KCNMB2: variants seen among roughly 807,000 people sequenced by gnomAD.
KCNMB2 encodes potassium calcium-activated channel subfamily M regulatory beta subunit 2.
A neutral mutation model predicts 24.5 loss-of-function variants in KCNMB2; 9 were observed. The ratio of observed to expected loss-of-function variants is 0.37; its 90% CI spans 0.22 to 0.64. The LOEUF (loss-of-function observed/expected upper bound fraction) is 0.64, where lower values mean the gene tolerates loss of function less well. Among genes scored for constraint, KCNMB2 ranks in the 30% least tolerant of loss-of-function variants. KCNMB2 has a pLI of 0.63. For missense variants in KCNMB2, 226 were observed against 284.3 expected, an observed-to-expected ratio of 0.79 and a Z score of 1.47; for synonymous variants, 109 against 104.4, an observed-to-expected ratio of 1.04 and a Z score of -0.27.
At chr3:178,617,625 C>T (rs1413723613) in intron 1 of KCNMB2, among the ~76,000 whole-genome samples, 1 of 151,822 alleles carries the variant, frequency 6.6e-6, no homozygotes, top group African/African-American at 2.4e-5. Context: ...CGCGGTGGCT[C>T]ATGCCTGTAA....
intron 1 of KCNMB2, among the ~76,000 whole-genome samples, chr3:178,702,467 T>C (rs980606590): frequency 1.8e-4 from 27 of 150,952 alleles, no homozygotes; most frequent in Admixed American, 1.8e-3. Flanking sequence ...AAGAAATACA[T>C]AAAAATAAAT....
chr3:178,576,744 G>A (rs1717006856), intron 1 of KCNMB2, among the ~76,000 whole-genome samples: 1 of 152,194 alleles, frequency 6.6e-6, no homozygotes, highest in Non-Finnish European at 1.5e-5. Flanking sequence ...AAACAGGGCA[G>A]AGCCCACCAC....
chr3:178,603,931 T>G (rs934723491), intron 1 of KCNMB2, among the ~76,000 whole-genome samples: 1 of 152,014 alleles, frequency 6.6e-6, no homozygotes, highest in Non-Finnish European at 1.5e-5. Flanking sequence ...GTGACACAGT[T>G]CAAAGCCCTG....
intron 1 of KCNMB2, among the ~76,000 whole-genome samples, chr3:178,562,257 C>A (rs140843938): frequency 6.6e-6 from 1 of 152,230 alleles, no homozygotes; most frequent in Non-Finnish European, 1.5e-5. Context: ...CAATCACTCA[C>A]TGACTTCTAT....
At chr3:178,723,069 T>C (rs1722861147) in intron 1 of KCNMB2, among the ~76,000 whole-genome samples, 1 of 152,228 alleles carries the variant, frequency 6.6e-6, no homozygotes, top group East Asian at 1.9e-4. Flanking sequence ...CCATTCAATT[T>C]CATTCATCTA....
At chr3:178,576,289 G>T (rs1158344347) in intron 1 of KCNMB2, among the ~76,000 whole-genome samples, 1 of 152,036 alleles carries the variant, frequency 6.6e-6, no homozygotes, top group Non-Finnish European at 1.5e-5. Context: ...GAGGGACTGT[G>T]CCAAGAACTA....
intron 1 of KCNMB2, among the ~76,000 whole-genome samples, chr3:178,575,811 A>C (rs1055134399): frequency 2.0e-5 from 3 of 152,046 alleles, no homozygotes; most frequent in African/African-American, 7.3e-5. Flanking sequence ...TAGGGAAAAA[A>C]TTTTTATGTC....
intron 1 of KCNMB2, among the ~76,000 whole-genome samples, chr3:178,674,529 A>G (rs1761768985): frequency 6.6e-6 from 1 of 152,200 alleles, no homozygotes; most frequent in Non-Finnish European, 1.5e-5. Context: ...TACCTTCAAA[A>G]TAGATCCAGA....
intron 1 of KCNMB2, chr3:178,749,296 C>T (rs145454245): frequency 5.3e-5 from 8 of 152,276 alleles, no homozygotes; most frequent in South Asian, 2.1e-4. Flanking sequence ...TCATGAGAGA[C>T]GTTTTGTAAA....
chr3:178,572,745 A>C (rs1436537568), intron 1 of KCNMB2, among the ~76,000 whole-genome samples: 1 of 152,224 alleles, frequency 6.6e-6, no homozygotes, highest in Non-Finnish European at 1.5e-5. Flanking sequence ...CTCAGTCCTC[A>C]GAACACCACT....
intron 1 of KCNMB2, among the ~76,000 whole-genome samples, chr3:178,615,740 C>G (rs1003554458): frequency 2.6e-5 from 4 of 152,170 alleles, no homozygotes; most frequent in Admixed American, 2.0e-4. Context: ...AACTGGGGAA[C>G]CCAAAAGCCC....
At chr3:178,759,344 GATAT>G (rs370619010) in intron 1 of KCNMB2, among the ~76,000 whole-genome samples, 1 of 20,406 alleles carries the variant, frequency 4.9e-5, no homozygotes, top group Non-Finnish European at 8.6e-5. Flanking sequence ...TCTCCAAGAG[GATAT>G]ATATATATAT....
intron 1 of KCNMB2, among the ~76,000 whole-genome samples, chr3:178,690,539 A>G (rs1721633767): frequency 6.6e-6 from 1 of 152,186 alleles, no homozygotes; most frequent in African/African-American, 2.4e-5. Flanking sequence ...AGGAAGAAGG[A>G]AGAGAAAGAG....
chr3:178,623,375 C>T (rs1225095736), intron 1 of KCNMB2, among the ~76,000 whole-genome samples: 2 of 152,208 alleles, frequency 1.3e-5, no homozygotes, highest in Non-Finnish European at 2.9e-5. Context: ...CCCTATTCTA[C>T]TACCAAAGCC....
chr3:178,772,523 C>T (rs959657777), intron 1 of KCNMB2, among the ~76,000 whole-genome samples: 1 of 152,202 alleles, frequency 6.6e-6, no homozygotes, highest in Non-Finnish European at 1.5e-5. Flanking sequence ...TGAGACGTGT[C>T]TTTCACCTTC....
chr3:178,696,792 T>C lies in KCNMB2; in HGVS notation c.-67-110551T>C, dbSNP rs1721893988. On this transcript the variant is annotated intron_variant, in intron 1 of 4. Transcript: ENST00000452583. The stretch of plus-strand genomic sequence containing the variant: ...TAGCTGTGTCCTGTAGATTCTGATA[T>C]GTGGTATCTTTGTTCTCAAAAGTAA... 2.0e-5 allele frequency among the ~76,000 whole-genome samples: 3 copies of C among 152,186 alleles called. No individual in the cohort carries two copies. The South Asian group carries it at 6.2e-4, about 31-fold the overall frequency.
intron 1 of KCNMB2, among the ~76,000 whole-genome samples, chr3:178,603,462 GAAATGGGCAAAGGAAGGAAGGAAGA>G (rs1718164458): frequency 1.1e-5 from 1 of 89,708 alleles, no homozygotes; most frequent in Non-Finnish European, 2.8e-5. Flanking sequence ...GGTCATTTGA[GAAATGGGCAAAGGAAGGAAGGAAGA>G]AATGGGCAAA....
At chr3:178,599,438 G>A (rs1717999054) in intron 1 of KCNMB2, among the ~76,000 whole-genome samples, 1 of 152,040 alleles carries the variant, frequency 6.6e-6, no homozygotes, top group African/African-American at 2.4e-5. Context: ...AAGTCATCAG[G>A]CTACAGAATT....
intron 4 of KCNMB2, among the ~76,000 whole-genome samples, chr3:178,840,755 C>A (rs1292638409): frequency 1.3e-5 from 2 of 152,204 alleles, no homozygotes; most frequent in African/African-American, 4.8e-5. Flanking sequence ...CTGCACAGAG[C>A]AGCAGGGCCC....
Sources: allele counts gnomAD v4.1 joint callset (sites outside exome capture counted in the v4.1 genomes callset), GRCh38; gene constraint gnomAD v4.1.1; transcripts MANE v1.5; gene names NCBI Gene and HGNC (gene_info 2026-07-23, HGNC 2026-07-21).